PCDHA13: variants seen among roughly 807,000 people sequenced by gnomAD.
PCDHA13 encodes the protein protocadherin alpha 13, also known as protocadherin alpha-13.
Under a neutral mutation model 64.8 loss-of-function variants are expected in PCDHA13, and 54 were observed. The observed-to-expected ratio is 0.83, with a 90% CI of 0.67 to 1.04. PCDHA13 has a LOEUF of 1.04. Ranked by LOEUF, PCDHA13 falls within the 50% of genes least tolerant of loss-of-function variation. The pLI is 0.00. For missense variants in PCDHA13, 1,248 were observed against 1,254.3 expected (o/e 0.99, Z 0.08); for synonymous variants, 587 against 564.4 (o/e 1.04, Z -0.57).
At chr5:141,009,327 C>A (rs1445732436) in intron 3 of PCDHA13, among the ~76,000 whole-genome samples, 3 of 152,142 alleles carry the variant, frequency 2.0e-5, no homozygotes, top group Non-Finnish European at 2.9e-5. Context: ...GGCATGGGAG[C>A]TTGTGCCTGT....
At chr5:140,988,294 G>A (rs2097291713) in intron 3 of PCDHA13, among the ~76,000 whole-genome samples, 1 of 152,206 alleles carries the variant, frequency 6.6e-6, no homozygotes, top group South Asian at 2.1e-4. Context: ...TGACAGCCCA[G>A]GAGTGCCAGC....
intron 1 of PCDHA13, among the ~76,000 whole-genome samples, chr5:140,924,437 T>C (rs2081836231): frequency 6.6e-6 from 1 of 152,206 alleles, no homozygotes; most frequent in Non-Finnish European, 1.5e-5. Flanking sequence ...CTAGAAGAGA[T>C]AACGAATGGG....
At chr5:140,969,260 C>G (rs782595245) in intron 1 of PCDHA13, 1 of 1,614,228 alleles carries the variant, frequency 6.2e-7, no homozygotes, top group South Asian at 1.1e-5. Context: ...CAGCAGGAAT[C>G]TCACAGGCCA....
intron 1 of PCDHA13, chr5:140,967,413 A>G: frequency 6.2e-7 from 1 of 1,613,218 alleles, no homozygotes; most frequent in Non-Finnish European, 8.5e-7. Context: ...AAGGGCCTAG[A>G]CCGGGAGCAG....
At chr5:140,893,892 C>A (rs1554185839) in intron 1 of PCDHA13, among the ~76,000 whole-genome samples, 1 of 152,184 alleles carries the variant, frequency 6.6e-6, no homozygotes, top group Non-Finnish European at 1.5e-5. Flanking sequence ...CAGAAAGTTA[C>A]TTTACCTTCT....
At chr5:140,926,783 C>T (rs1230665699) in intron 1 of PCDHA13, 2 of 1,410,186 alleles carry the variant, frequency 1.4e-6, no homozygotes, top group Non-Finnish European at 1.8e-6. Flanking sequence ...CAGTGACGGC[C>T]GGCAGGAGCG....
At chr5:140,906,995 C>T (rs1177237804) in intron 1 of PCDHA13, among the ~76,000 whole-genome samples, 1 of 152,164 alleles carries the variant, frequency 6.6e-6, no homozygotes, top group Non-Finnish European at 1.5e-5. Flanking sequence ...GCATTCCTCC[C>T]TCTGGAACTA....
intron 2 of PCDHA13, among the ~76,000 whole-genome samples, chr5:140,980,712 T>G (rs4404731): frequency 0.013 from 1,940 of 152,272 alleles, 50 homozygotes; most frequent in African/African-American, 0.045. Context: ...GTGCTCCTAT[T>G]CGGGTTTCAA....
intron 1 of PCDHA13, among the ~76,000 whole-genome samples, chr5:140,939,940 C>G (rs1438905083): frequency 6.6e-6 from 1 of 152,140 alleles, no homozygotes; most frequent in Non-Finnish European, 1.5e-5. Context: ...TTATCAGTTA[C>G]TGAGAAAATT....
At chr5:140,895,138 G>C (rs782496234) in intron 1 of PCDHA13, among the ~76,000 whole-genome samples, 14 of 151,944 alleles carry the variant, frequency 9.2e-5, no homozygotes, top group Non-Finnish European at 1.8e-4. Flanking sequence ...AAGTTCATAG[G>C]GCTAAGACAG....
chr5:141,011,924 AG>A lies in PCDHA13; in HGVS notation c.*1989del, dbSNP rs1246091886. Reference sequence around the variant, plus strand: ...ATTTAGGCATTAATATAAAAGAGGTAGGAGTCTGTTATTTAAAAAAAGCATT... The same window carrying A: ...ATTTAGGCATTAATATAAAAGAGGTAGAGTCTGTTATTTAAAAAAAGCATT... On this transcript the variant is annotated 3_prime_UTR_variant, in exon 4 of 4. Coordinates refer to ENST00000289272, the MANE Select transcript of PCDHA13 (RefSeq NM_018904.3). 1 of 153,728 alleles carries A rather than the reference AG, an allele frequency of 6.5e-6. No homozygotes were observed. Among genetic ancestry groups the A allele is most frequent in the Non-Finnish European group, 1.5e-5 (1 of 68,042 alleles). 9.5% of individuals were successfully genotyped at this position (153,728 alleles called of 1,614,324 possible).
intron 1 of PCDHA13, chr5:140,929,432 T>C: frequency 1.4e-6 from 2 of 1,474,372 alleles, no homozygotes; most frequent in Non-Finnish European, 1.8e-6. Flanking sequence ...TCAATTGAAC[T>C]AAACACTCCT....
At chr5:140,893,666 C>T (rs2064116335) in intron 1 of PCDHA13, among the ~76,000 whole-genome samples, 1 of 152,160 alleles carries the variant, frequency 6.6e-6, no homozygotes, top group African/African-American at 2.4e-5. Flanking sequence ...TAAAAAATTT[C>T]AGCACTTTGG....
At chr5:140,978,319 A>G (rs1294780698) in intron 1 of PCDHA13, among the ~76,000 whole-genome samples, 2 of 152,216 alleles carry the variant, frequency 1.3e-5, no homozygotes, top group Admixed American at 1.3e-4. Context: ...AGCAGGAACA[A>G]GTACAAGTTT....
intron 1 of PCDHA13, among the ~76,000 whole-genome samples, chr5:140,962,185 C>T (rs782495435): frequency 6.6e-5 from 10 of 152,126 alleles, no homozygotes; most frequent in Non-Finnish European, 1.3e-4. Flanking sequence ...ACTTATATCA[C>T]TTTTATGCTT....
chr5:140,929,698 G>A (rs2086308201), intron 1 of PCDHA13: 1 of 263,620 alleles, frequency 3.8e-6, no homozygotes, highest in Non-Finnish European at 7.5e-6. Flanking sequence ...TGCTTTATAT[G>A]AATATAATAT....
At chr5:141,004,602 G>A (rs1345777080) in intron 3 of PCDHA13, among the ~76,000 whole-genome samples, 18 of 152,298 alleles carry the variant, frequency 1.2e-4, no homozygotes, top group African/African-American at 4.1e-4. Flanking sequence ...CAGTGCTTAG[G>A]CCTCATGCAG....
At chr5:140,941,375 G>A (rs1441847516) in intron 1 of PCDHA13, among the ~76,000 whole-genome samples, 1 of 134,938 alleles carries the variant, frequency 7.4e-6, no homozygotes, top group Non-Finnish European at 1.5e-5. Context: ...GGAGTGTAGT[G>A]ACAGGATTTT....
chr5:140,993,949 T>C (rs1330727166), intron 3 of PCDHA13, among the ~76,000 whole-genome samples: 1 of 152,204 alleles, frequency 6.6e-6, no homozygotes, highest in Non-Finnish European at 1.5e-5. Flanking sequence ...TGTTAAGTGA[T>C]ACATGACTGT....
Sources: gnomAD v4.1 joint callset for allele counts (sites outside exome capture counted in the v4.1 genomes callset) on GRCh38, gnomAD v4.1.1 for gene constraint, MANE v1.5 for transcripts, NCBI Gene and HGNC (gene_info 2026-07-23, HGNC 2026-07-21) for gene names.